ST8SIA5: variants seen among roughly 807,000 people sequenced by gnomAD.
ST8SIA5 encodes ST8 alpha-N-acetyl-neuraminide alpha-2,8-sialyltransferase 5.
ST8SIA5 carries 24 observed loss-of-function variants against 40.2 expected under a neutral mutation model. The ratio of observed to expected loss-of-function variants is 0.60; its 90% confidence interval spans 0.43 to 0.84. ST8SIA5 has a LOEUF of 0.84. ST8SIA5 is among the 40% of genes least tolerant of loss of function. The pLI is 0.00. For missense variants in ST8SIA5, 465 were observed against 498.5 expected (o/e 0.93, Z 0.64); for synonymous variants, 198 against 201.8 (o/e 0.98, Z 0.16).
intron 1 of ST8SIA5, among the ~76,000 whole-genome samples, chr18:46,756,013 C>T (rs117651431): frequency 0.02 from 3,047 of 152,306 alleles, 54 homozygotes; most frequent in Middle Eastern, 0.027. Flanking sequence ...TTGAGCCCTC[C>T]GACCCCGGAG....
At chr18:46,745,034 C>T (rs2040125576) in intron 1 of ST8SIA5, among the ~76,000 whole-genome samples, 1 of 152,164 alleles carries the variant, frequency 6.6e-6, no homozygotes, top group South Asian at 2.1e-4. Context: ...AAAGACACAA[C>T]ATACCAGAAT....
At chr18:46,707,788 AAG>A (rs946727662) in intron 1 of ST8SIA5, among the ~76,000 whole-genome samples, 10 of 152,228 alleles carry the variant, frequency 6.6e-5, no homozygotes, top group African/African-American at 2.4e-4. Context: ...AAAGAGGCCC[AAG>A]AGAGACTCCT....
chr18:46,679,353 G>A lies in ST8SIA5; in HGVS notation c.*689C>T, dbSNP rs1387488084. 1 of 152,190 alleles carries A rather than the reference G, an allele frequency of 6.6e-6. No individual in the cohort carries two copies. Among genetic ancestry groups the A allele is most frequent in the Non-Finnish European group, 1.5e-5 (1 of 68,292 alleles). The allele number at this position is 152,190 out of a possible 1,614,324, so 9.4% of individuals were successfully genotyped here. On this transcript the variant is annotated 3_prime_UTR_variant, in exon 7 of 7. Coordinates refer to ENST00000315087, the MANE Select transcript of ST8SIA5 (RefSeq NM_013305.6). ...CCGAGGATGTGTCTGAAAGGATGTG[G>A]TGCTTCTCAGATGATGATGTCTCGA... is the stretch of plus-strand genomic sequence containing the variant.
At position 46,680,360 on chromosome 18, in the gene ST8SIA5, C is replaced by T. The variant is rs762848403; in HGVS notation, c.813G>A (p.Pro271=). 1 of 1,614,136 alleles carries T rather than the reference C, an allele frequency of 6.2e-7. No homozygotes were observed. The highest frequency in any genetic ancestry group is 8.5e-7 in the Non-Finnish European group (1 of 1,179,990). Residue 271 remains proline (P), a synonymous_variant, in exon 7 of 7, where the codon CCG becomes CCA. Coordinates refer to ENST00000315087, the MANE Select transcript of ST8SIA5 (RefSeq NM_013305.6). Reference sequence around the variant, plus strand: ...GCGGATGGAAGTAGTAGACAGCTTGCGGCGATTCGAAGTCGTCCAGCACGT... The same window carrying T: ...GCGGATGGAAGTAGTAGACAGCTTGTGGCGATTCGAAGTCGTCCAGCACGT... ...VKYVLDDFES[P]QAVYYFHPQY...
At chr18:46,689,762 G>A (rs947811079) in intron 3 of ST8SIA5, among the ~76,000 whole-genome samples, 1 of 130,850 alleles carries the variant, frequency 7.6e-6, no homozygotes, top group African/African-American at 2.9e-5. Context: ...TTTTTTTTTA[G>A]TAGAGTCAAG....
chr18:46,712,041 T>C (rs913529938), intron 1 of ST8SIA5, among the ~76,000 whole-genome samples: 1 of 152,032 alleles, frequency 6.6e-6, no homozygotes, highest in Admixed American at 6.5e-5. Context: ...GGGTTGGGGG[T>C]AGCAGGGCAA....
intron 2 of ST8SIA5, among the ~76,000 whole-genome samples, chr18:46,702,177 T>G (rs2039624845): frequency 6.6e-6 from 1 of 151,912 alleles, no homozygotes; most frequent in African/African-American, 2.4e-5. Context: ...AATTAGTCAT[T>G]TATTCTCTGA....
rs879694921 is a variant in ST8SIA5, at chr18:46,723,925, T to TA, written c.132-19262dup. On this transcript the variant is annotated intron_variant, in intron 1 of 6. Transcript: ENST00000315087. The stretch of plus-strand genomic sequence containing the variant: ...TGGGTGACAAGAGCAAAACTCCATC[T>TA]AAAAAAAAAAAAGAAAAAAGCAGAA... Among the ~76,000 whole-genome samples, 1,125 of 141,320 alleles carry TA rather than the reference T, an allele frequency of 8.0e-3. 13 individuals are homozygous for TA. Among genetic ancestry groups the TA allele is most frequent in the East Asian group, 0.047 (230 of 4,910 alleles). 92.7% of individuals were successfully genotyped at this position (141,320 alleles called of 152,430 possible).
chr18:46,692,775 C>T (rs920921590), intron 2 of ST8SIA5, among the ~76,000 whole-genome samples: 1 of 152,022 alleles, frequency 6.6e-6, no homozygotes, highest in Non-Finnish European at 1.5e-5. Context: ...TAGCAAACAA[C>T]TGTCCTGCAA....
intron 1 of ST8SIA5, among the ~76,000 whole-genome samples, chr18:46,737,931 C>A: frequency 6.6e-6 from 1 of 151,862 alleles, no homozygotes; most frequent in African/African-American, 2.4e-5. Flanking sequence ...CCACCACGCC[C>A]GAATAATTTT....
At chr18:46,681,820 C>T in intron 6 of ST8SIA5, 152 bp downstream of exon 6, 1 of 651,970 alleles carries the variant, frequency 1.5e-6, no homozygotes. Flanking sequence ...ATATGTTATC[C>T]TGTTTTTGTA....
chr18:46,725,254 AC>A (rs1401631361), intron 1 of ST8SIA5, among the ~76,000 whole-genome samples: 2 of 152,160 alleles, frequency 1.3e-5, no homozygotes, highest in Non-Finnish European at 2.9e-5. Flanking sequence ...TAATATTTCC[AC>A]CCGAGATTTT....
chr18:46,705,161 TC>T (rs1253939175), intron 1 of ST8SIA5, among the ~76,000 whole-genome samples: 1 of 152,102 alleles, frequency 6.6e-6, no homozygotes, highest in Non-Finnish European at 1.5e-5. Context: ...TGGGCCTTTC[TC>T]CCCATTTGGC....
intron 2 of ST8SIA5, among the ~76,000 whole-genome samples, chr18:46,695,693 GT>G (rs1234987845): frequency 1.3e-5 from 2 of 152,196 alleles, no homozygotes; most frequent in African/African-American, 4.8e-5. Context: ...CCACTAGACA[GT>G]AAATACCATG....
At chr18:46,743,247 G>A (rs1334221819) in intron 1 of ST8SIA5, among the ~76,000 whole-genome samples, 1 of 152,026 alleles carries the variant, frequency 6.6e-6, no homozygotes, top group Non-Finnish European at 1.5e-5. Context: ...TCAGAAGGTT[G>A]GTAATAACAA....
rs373867817 is a variant in ST8SIA5 at position 46,754,751 on chromosome 18, G to A, written c.131+1627C>T. Among the ~76,000 whole-genome samples the A allele has an allele frequency of 6.7e-4, 102 of 152,328 alleles. No homozygotes were observed. The Middle Eastern group carries it at 0.017, about 25-fold the overall frequency. Reference sequence around the variant, plus strand: ...AGTTTGGTTGGCGTTTGCCATGGGCGGTTGTATTTTCCCCCTGTTGACAAG... The same window carrying A: ...AGTTTGGTTGGCGTTTGCCATGGGCAGTTGTATTTTCCCCCTGTTGACAAG... On this transcript the variant is annotated intron_variant, in intron 1 of 6. Coordinates refer to ENST00000315087, the MANE Select transcript of ST8SIA5 (RefSeq NM_013305.6).
At chr18:46,688,627 C>T (rs963000942) in intron 4 of ST8SIA5, 148 bp downstream of exon 4, 5 of 1,008,996 alleles carry the variant, frequency 5.0e-6, no homozygotes, top group African/African-American at 3.2e-5. Context: ...GGCTTCTGCA[C>T]CTCAGACAAC....
intron 5 of ST8SIA5, among the ~76,000 whole-genome samples, chr18:46,684,872 G>T (rs1006985534): frequency 6.6e-6 from 1 of 152,110 alleles, no homozygotes. Context: ...GGTGCAAGTG[G>T]GTTTAGCCAG....
chr18:46,708,117 A>C (rs1049679209), intron 1 of ST8SIA5, among the ~76,000 whole-genome samples: 1 of 152,142 alleles, frequency 6.6e-6, no homozygotes, highest in Non-Finnish European at 1.5e-5. Flanking sequence ...AACTACCCCA[A>C]AAATGCTCAT....
Sources: gnomAD v4.1 joint callset for allele counts (sites outside exome capture counted in the v4.1 genomes callset) on GRCh38, gnomAD v4.1.1 for gene constraint, MANE v1.5 for transcripts, NCBI Gene and HGNC (gene_info 2026-07-23, HGNC 2026-07-21) for gene names.